PRKN: variants seen among roughly 807,000 people sequenced by gnomAD.
The protein encoded by PRKN is E3 ubiquitin-protein ligase parkin.
Under a neutral mutation model 59.5 loss-of-function variants are expected in PRKN, and 56 were observed. The ratio of observed to expected loss-of-function variants is 0.94; its 90% CI spans 0.76 to 1.18. The LOEUF (loss-of-function observed/expected upper bound fraction) is 1.18, where lower values mean the gene tolerates loss of function less well. Among genes scored for constraint, PRKN ranks in the 50% most tolerant of loss-of-function variants. PRKN has a pLI of 0.00. For missense variants in PRKN, 657 were observed against 596.4 expected (o/e 1.10, Z -1.06); for synonymous variants, 250 against 222.1 (o/e 1.13, Z -1.12).
chr6:162,282,845 T>C (rs1780974253), intron 2 of PRKN, among the ~76,000 whole-genome samples: 1 of 152,182 alleles, frequency 6.6e-6, no homozygotes, highest in African/African-American at 2.4e-5. Flanking sequence ...GATTAAGTGA[T>C]GGAAGAGAGG....
At position 161,447,108 on chromosome 6, in the gene PRKN, C is replaced by T. The variant is rs951632609; in HGVS notation, c.1084-60231G>A. Among the ~76,000 whole-genome samples, 6 of 152,174 alleles carry T rather than the reference C, an allele frequency of 3.9e-5. No individual in the cohort carries two copies. The highest frequency in any genetic ancestry group is 9.7e-5 in the African/African-American group (4 of 41,436). On this transcript the variant is annotated intron_variant, in intron 9 of 11. Transcript: ENST00000366898. The surrounding 1 kb of genome is among the most constrained non-coding windows in gnomAD (Gnocchi z 4.1). ...ATCCTTTTTTAATCCCATTTTCCTTCTCACCCCACACTGAGCGTTACTATA... is the reference window on the plus strand; with the variant it reads ...ATCCTTTTTTAATCCCATTTTCCTTTTCACCCCACACTGAGCGTTACTATA...
rs1786917945 is a variant in PRKN, at chr6:161,399,268, TG to T, written c.1084-12392del. Among the ~76,000 whole-genome samples, 1 of 152,158 alleles carries T rather than the reference TG, an allele frequency of 6.6e-6. No individual in the cohort carries two copies. Among genetic ancestry groups the T allele is most frequent in the Non-Finnish European group, 1.5e-5 (1 of 68,026 alleles). On this transcript the variant is annotated intron_variant, in intron 9 of 11. Coordinates refer to ENST00000366898, the MANE Select transcript of PRKN (RefSeq NM_004562.3). This position sits in a 1 kb window ranked among gnomAD's most constrained non-coding sequence, Gnocchi z 4.4. ...CCATCCTTCAAGTCCATGGGTGACC[TG>T]ATTTTTCTGGATGCCAGACAAGAAC...
At chr6:161,971,813 G>A (rs925877834) in intron 6 of PRKN, among the ~76,000 whole-genome samples, 9 of 152,074 alleles carry the variant, frequency 5.9e-5, no homozygotes, top group African/African-American at 1.9e-4. Flanking sequence ...TGCTTATCAC[G>A]AAATCACAGA....
At chr6:161,657,887 G>C (rs1367967846) in intron 7 of PRKN, among the ~76,000 whole-genome samples, 1 of 151,746 alleles carries the variant, frequency 6.6e-6, no homozygotes, top group African/African-American at 2.4e-5. Context: ...AAATTAGCTG[G>C]CATGGTGGCA....
At chr6:162,114,850 T>G (rs1780597648) in intron 4 of PRKN, among the ~76,000 whole-genome samples, 2 of 152,056 alleles carry the variant, frequency 1.3e-5, no homozygotes, top group African/African-American at 4.8e-5. Flanking sequence ...AAACAACAGG[T>G]GCTGGAGAGG....
At chr6:161,787,779 T>C (rs1026311370) in intron 6 of PRKN, among the ~76,000 whole-genome samples, 6 of 151,628 alleles carry the variant, frequency 4.0e-5, no homozygotes, top group Non-Finnish European at 8.8e-5. Context: ...AGCCCGTCTC[T>C]ACCAAAAATA....
At chr6:161,669,513 G>A (rs868583293) in intron 7 of PRKN, among the ~76,000 whole-genome samples, 7 of 152,322 alleles carry the variant, frequency 4.6e-5, no homozygotes, top group Middle Eastern at 6.8e-3. Flanking sequence ...TGTCAGCATT[G>A]TATGTTTCCG....
At chr6:162,697,997 G>C (rs1284544040) in intron 1 of PRKN, among the ~76,000 whole-genome samples, 1 of 152,156 alleles carries the variant, frequency 6.6e-6, no homozygotes, top group African/African-American at 2.4e-5. Context: ...AAGCTGCCTT[G>C]CCTGTTTCCC....
At chr6:162,522,941 A>C (rs112483308) in intron 1 of PRKN, among the ~76,000 whole-genome samples, 1 of 152,192 alleles carries the variant, frequency 6.6e-6, no homozygotes, top group Non-Finnish European at 1.5e-5. Context: ...AAATAACCCC[A>C]ATCAACTCTT....
Position 161,480,029 on chromosome 6 carries a change from GC to G in PRKN, c.1083+68824del, listed in dbSNP as rs2115235231. ...TTCCCTCTGGTGCGGGATCATGGAA[GC>G]CCAGGTGAAGGTGAGCCTCTGTCAG... On this transcript the variant is annotated intron_variant, in intron 9 of 11. Coordinates refer to ENST00000366898, the MANE Select transcript of PRKN (RefSeq NM_004562.3). This position sits in a 1 kb window ranked among gnomAD's most constrained non-coding sequence, Gnocchi z 4.1. Among the ~76,000 whole-genome samples, 1 of 152,320 alleles carries G rather than the reference GC, an allele frequency of 6.6e-6. No homozygotes were observed. Among genetic ancestry groups the G allele is most frequent in the East Asian group, 1.9e-4 (1 of 5,170 alleles).
chr6:162,072,694 T>G (rs1164479067), intron 4 of PRKN, among the ~76,000 whole-genome samples: 3 of 152,198 alleles, frequency 2.0e-5, no homozygotes, highest in Non-Finnish European at 4.4e-5. Context: ...ACAGTGGTTT[T>G]GTGCTTTGGT....
At chr6:161,983,657 C>CA (rs1781326570) in intron 5 of PRKN, among the ~76,000 whole-genome samples, 1 of 50,996 alleles carries the variant, frequency 2.0e-5, no homozygotes, top group African/African-American at 8.6e-5. Context: ...ATCGCAAGAA[C>CA]AAAAAACCAA....
chr6:161,540,116 A>G (rs1779566266), intron 9 of PRKN, among the ~76,000 whole-genome samples: 1 of 152,196 alleles, frequency 6.6e-6, no homozygotes, highest in African/African-American at 2.4e-5. Context: ...GGACCCAAGC[A>G]CTACATCCTT....
At chr6:162,583,198 T>C (rs1447426562) in intron 1 of PRKN, among the ~76,000 whole-genome samples, 1 of 152,186 alleles carries the variant, frequency 6.6e-6, no homozygotes, top group African/African-American at 2.4e-5. Context: ...ACCTTGACCT[T>C]AGACTTCCCA....
chr6:161,384,830 G>A (rs1200950992), intron 10 of PRKN, among the ~76,000 whole-genome samples: 1 of 152,198 alleles, frequency 6.6e-6, no homozygotes, highest in African/African-American at 2.4e-5. Flanking sequence ...GAGTTGCTAA[G>A]CTTTGGTTTA....
intron 3 of PRKN, among the ~76,000 whole-genome samples, chr6:162,218,226 C>G (rs1386021484): frequency 6.6e-6 from 1 of 152,198 alleles, no homozygotes; most frequent in African/African-American, 2.4e-5. Context: ...GGAAGCCCCT[C>G]TGGGGAAGGA....
chr6:161,502,209 T>C lies in PRKN; in HGVS notation c.1083+46645A>G, dbSNP rs2063662123. 1.3e-5 allele frequency among the ~76,000 whole-genome samples: 2 copies of C among 152,184 alleles called. No homozygotes were observed. ...ACTGCACATGCTTATCATTAGTCAA[T>C]TGATTAAGTTTGCACTCTTTGGGAG... On this transcript the variant is annotated intron_variant, in intron 9 of 11. Transcript: ENST00000366898. The surrounding 1 kb of genome is among the most constrained non-coding windows in gnomAD (Gnocchi z 4.0).
At chr6:161,731,295 G>A (rs1195103105) in intron 7 of PRKN, among the ~76,000 whole-genome samples, 2 of 152,236 alleles carry the variant, frequency 1.3e-5, no homozygotes, top group African/African-American at 4.8e-5. Flanking sequence ...CACCTGGTGG[G>A]TCATGACTGA....
intron 7 of PRKN, among the ~76,000 whole-genome samples, chr6:161,602,058 C>T (rs1782126615): frequency 6.6e-6 from 1 of 152,132 alleles, no homozygotes; most frequent in Admixed American, 6.5e-5. Flanking sequence ...TTGACTAAAG[C>T]TGTTATCTAA....
Sources: allele counts gnomAD v4.1 joint callset (sites outside exome capture counted in the v4.1 genomes callset), GRCh38; gene constraint gnomAD v4.1.1; non-coding constraint Gnocchi (gnomAD v3.1); transcripts MANE v1.5; gene names NCBI Gene and HGNC (gene_info 2026-07-23, HGNC 2026-07-21).